RALYL: variants seen among roughly 807,000 people sequenced by gnomAD.
RALYL encodes RNA-binding Raly-like protein.
Under a neutral mutation model 35.1 loss-of-function variants are expected in RALYL, and 29 were observed. That is an observed-to-expected ratio of 0.83 (90% CI 0.61 to 1.13). The LOEUF is 1.13. RALYL is among the 50% of genes most tolerant of loss of function. The probability of loss-of-function intolerance (pLI) is 0.00; values close to 1 mark genes in which losing one functional copy is unlikely to be tolerated. For missense variants in RALYL, 359 were observed against 360.4 expected, an observed-to-expected ratio of 1.00 and a Z score of 0.03; for synonymous variants, 120 against 127.6, an observed-to-expected ratio of 0.94 and a Z score of 0.40.
chr8:84,363,526 G>A (rs1220662379), intron 1 of RALYL, among the ~76,000 whole-genome samples: 1 of 152,160 alleles, frequency 6.6e-6, no homozygotes, highest in Non-Finnish European at 1.5e-5. Context: ...AGGGAGTTCT[G>A]GAGAATTTGC....
At chr8:84,267,574 C>T (rs1353189272) in intron 1 of RALYL, among the ~76,000 whole-genome samples, 3 of 152,194 alleles carry the variant, frequency 2.0e-5, no homozygotes, top group Non-Finnish European at 4.4e-5. Context: ...AAGCACGCTT[C>T]TGCCTATGTT....
intron 2 of RALYL, among the ~76,000 whole-genome samples, chr8:84,671,098 CT>C (rs1195889650): frequency 6.6e-6 from 1 of 152,146 alleles, no homozygotes; most frequent in East Asian, 1.9e-4. Context: ...AACGAAGGGT[CT>C]ATAGGCCCTA....
intron 2 of RALYL, among the ~76,000 whole-genome samples, chr8:84,717,308 C>T (rs1178110155): frequency 6.6e-6 from 1 of 152,128 alleles, no homozygotes; most frequent in African/African-American, 2.4e-5. Flanking sequence ...AGTTGTTTAT[C>T]AGGTTAAAGA....
chr8:84,414,382 G>A (rs1408098646), intron 1 of RALYL, among the ~76,000 whole-genome samples: 1 of 152,114 alleles, frequency 6.6e-6, no homozygotes, highest in Non-Finnish European at 1.5e-5. Context: ...ACATGTGACT[G>A]TGACTCAGAA....
At chr8:84,760,774 G>C (rs1297818337) in intron 2 of RALYL, among the ~76,000 whole-genome samples, 1 of 152,032 alleles carries the variant, frequency 6.6e-6, no homozygotes, top group East Asian at 1.9e-4. Context: ...AACATTGAGA[G>C]ATCTGAAGGA....
At chr8:84,459,233 C>G (rs1199085351) in intron 1 of RALYL, among the ~76,000 whole-genome samples, 1 of 151,642 alleles carries the variant, frequency 6.6e-6, no homozygotes, top group Non-Finnish European at 1.5e-5. Context: ...ATTAAATCAT[C>G]TAAAAGGGAC....
At chr8:84,628,270 A>G (rs73296163) in intron 2 of RALYL, among the ~76,000 whole-genome samples, 13,845 of 152,024 alleles carry the variant, frequency 0.091, 1,604 homozygotes, top group African/African-American at 0.27. Flanking sequence ...CTTAATTTTA[A>G]TTAGTTCTTA....
intron 2 of RALYL, among the ~76,000 whole-genome samples, chr8:84,709,637 G>A (rs959577613): frequency 3.3e-5 from 5 of 150,856 alleles, no homozygotes; most frequent in African/African-American, 7.3e-5. Context: ...TCATACTCCC[G>A]AAGGTTGAGA....
At chr8:84,268,995 T>A (rs1833822342) in intron 1 of RALYL, among the ~76,000 whole-genome samples, 1 of 152,164 alleles carries the variant, frequency 6.6e-6, no homozygotes, top group Non-Finnish European at 1.5e-5. Context: ...ATGATAGATC[T>A]AGAAGATAAA....
At chr8:84,641,742 T>C (rs1236454355) in intron 2 of RALYL, among the ~76,000 whole-genome samples, 3 of 149,734 alleles carry the variant, frequency 2.0e-5, no homozygotes, top group Admixed American at 6.7e-5. Flanking sequence ...ACTCAGAAGA[T>C]TCAGCTGTTT....
At chr8:84,756,488 A>G (rs1348308509) in intron 2 of RALYL, among the ~76,000 whole-genome samples, 1 of 152,072 alleles carries the variant, frequency 6.6e-6, no homozygotes, top group Admixed American at 6.6e-5. Flanking sequence ...GCTAGCTTTG[A>G]ATTGTCATCT....
chr8:84,529,478 G>A lies in RALYL; in HGVS notation c.157G>A (p.Val53Ile), dbSNP rs749865840. Reference sequence around the variant, plus strand: ...GTATGGAAAAATAGTTGGATGTTCCGTTCACAAAGGTTATGCATTTGTACA... The same window carrying A: ...GTATGGAAAAATAGTTGGATGTTCCATTCACAAAGGTTATGCATTTGTACA... ...SKYGKIVGCSVHKGYAFVQYM... is the reference protein window; with the variant it reads ...SKYGKIVGCSIHKGYAFVQYM... Residue 53 changes from valine to isoleucine, a missense_variant, in exon 2 of 9, where the codon GTT becomes ATT. Physicochemically the swap from Val to Ile is conservative, Grantham distance 29 (BLOSUM62 3). Transcript: ENST00000521268. 1.7e-5 allele frequency: 27 copies of A among 1,613,598 alleles called. No individual in the cohort carries two copies. Among genetic ancestry groups the A allele is most frequent in the South Asian group, 1.3e-4 (12 of 91,066 alleles).
intron 1 of RALYL, among the ~76,000 whole-genome samples, chr8:84,468,035 G>A (rs967493618): frequency 3.4e-5 from 5 of 146,684 alleles, no homozygotes; most frequent in Non-Finnish European, 7.5e-5. Context: ...GCCTATGTGT[G>A]TCTCTGCATG....
At chr8:84,908,210 T>C (rs1466174978) in intron 8 of RALYL, among the ~76,000 whole-genome samples, 1 of 152,198 alleles carries the variant, frequency 6.6e-6, no homozygotes, top group Non-Finnish European at 1.5e-5. Flanking sequence ...ATTTTTGTGA[T>C]GAGAACATTT....
At chr8:84,875,400 A>G (rs540780266) in intron 7 of RALYL, among the ~76,000 whole-genome samples, 5 of 152,272 alleles carry the variant, frequency 3.3e-5, no homozygotes, top group Admixed American at 3.3e-4. Flanking sequence ...GCAATGACTA[A>G]TACCTTCCAT....
intron 2 of RALYL, among the ~76,000 whole-genome samples, chr8:84,696,719 G>A (rs918250500): frequency 8.6e-5 from 13 of 151,988 alleles, no homozygotes; most frequent in East Asian, 3.9e-4. Context: ...ATCTAAGGCC[G>A]TTTAAGTAAA....
At chr8:84,845,217 G>T (rs1834376567) in intron 4 of RALYL, among the ~76,000 whole-genome samples, 1 of 152,158 alleles carries the variant, frequency 6.6e-6, no homozygotes, top group Non-Finnish European at 1.5e-5. Context: ...CCATGAAAAT[G>T]ATTGTCCCCT....
At chr8:84,449,717 A>G (rs1313201095) in intron 1 of RALYL, among the ~76,000 whole-genome samples, 2 of 151,882 alleles carry the variant, frequency 1.3e-5, no homozygotes, top group East Asian at 3.9e-4. Context: ...AAATTTTTAT[A>G]TTTTACCTGA....
chr8:84,477,061 A>T (rs1476544953), intron 1 of RALYL, among the ~76,000 whole-genome samples: 1 of 152,160 alleles, frequency 6.6e-6, no homozygotes, highest in East Asian at 1.9e-4. Context: ...TAAATTTGAA[A>T]TCATGCTATG....
Sources: gnomAD v4.1 joint callset for allele counts (sites outside exome capture counted in the v4.1 genomes callset) on GRCh38, gnomAD v4.1.1 for gene constraint, MANE v1.5 for transcripts, NCBI Gene and HGNC (gene_info 2026-07-23, HGNC 2026-07-21) for gene names.